Variants in XIRP2 observed in about 807,000 individuals in gnomAD.
XIRP2 encodes the protein xin actin binding repeat containing 2.
In XIRP2, 236 loss-of-function variants were observed where a neutral mutation model predicts 277.0. The observed-to-expected ratio is 0.85, with a 90% confidence interval of 0.77 to 0.95. XIRP2 has a LOEUF of 0.95. Among genes scored for constraint, XIRP2 ranks in the 40% least tolerant of loss-of-function variants. XIRP2 has a pLI of 0.00. For missense variants in XIRP2, 4,640 were observed against 4,157.5 expected, an observed-to-expected ratio of 1.12 and a Z score of -3.19; for synonymous variants, 1,490 against 1,416.5, an observed-to-expected ratio of 1.05 and a Z score of -1.17.
At chr2:166,888,947 A>G (rs1399148092) in intron 1 of XIRP2, among the ~76,000 whole-genome samples, 1 of 152,138 alleles carries the variant, frequency 6.6e-6, no homozygotes, top group South Asian at 2.1e-4. Flanking sequence ...CACCCAAAGA[A>G]AGCATCTGGG....
In XIRP2 at chr2:167,257,870, G is replaced by T. The variant is rs370845008; in HGVS notation, c.*53G>T. ...TCTTTTTGGCAGTTTGGGAAATTAT[G>T]CATCACTTCATGGACAAATATACTG... On this transcript the variant is annotated 3_prime_UTR_variant, in exon 11 of 11. Coordinates refer to ENST00000409195, the MANE Select transcript of XIRP2 (RefSeq NM_152381.6). 2 of 1,588,790 alleles carry T rather than the reference G, an allele frequency of 1.3e-6. No individual in the cohort carries two copies. The highest frequency in any genetic ancestry group is 1.7e-6 in the Non-Finnish European group (2 of 1,170,512).
chr2:167,241,777 T>A lies in XIRP2; in HGVS notation c.1043T>A (p.Val348Asp), dbSNP rs760206406. ...CCCTGGTGTGTTTTTCTGTTTGTAG[T>A]CATTGATACACCTGAGGATGAAGAG... ...SQFHQYVQET[V>D]IDTPEDEEIP... Residue 348 changes from valine to aspartate, a missense_variant and splice_region_variant, in exon 8 of 11, where the codon GTC becomes GAC. Coordinates refer to ENST00000409195, the MANE Select transcript of XIRP2 (RefSeq NM_152381.6). 1 of 1,602,054 alleles carries A rather than the reference T, an allele frequency of 6.2e-7. No individual in the cohort carries two copies. The highest frequency in any genetic ancestry group is 2.3e-5 in the East Asian group (1 of 44,428).
chr2:167,022,703 G>A (rs1039403451), intron 2 of XIRP2, among the ~76,000 whole-genome samples: 7 of 151,730 alleles, frequency 4.6e-5, no homozygotes, highest in African/African-American at 1.2e-4. Context: ...TGTGGTGTTC[G>A]GTTTTTTGTC....
At chr2:167,188,346 C>A (rs554392914) in intron 3 of XIRP2, among the ~76,000 whole-genome samples, 2 of 152,164 alleles carry the variant, frequency 1.3e-5, no homozygotes, top group African/African-American at 4.8e-5. Flanking sequence ...AAGACACCAA[C>A]TAAAAGCAAG....
chr2:167,009,505 A>C (rs983969117), intron 2 of XIRP2, among the ~76,000 whole-genome samples: 6 of 152,006 alleles, frequency 3.9e-5, no homozygotes, highest in Non-Finnish European at 5.9e-5. Flanking sequence ...TGCTATTGTG[A>C]ATAGTGCCGC....
chr2:166,945,004 T>C (rs1474412940), intron 2 of XIRP2, among the ~76,000 whole-genome samples: 6 of 152,154 alleles, frequency 3.9e-5, no homozygotes, highest in Non-Finnish European at 5.9e-5. Context: ...TGGTTTATCT[T>C]GTCAACTCTG....
At chr2:167,005,551 A>T (rs1002847781) in intron 2 of XIRP2, among the ~76,000 whole-genome samples, 3 of 151,898 alleles carry the variant, frequency 2.0e-5, no homozygotes, top group Admixed American at 1.3e-4. Context: ...TAAAACAATT[A>T]TAAAGATTTG....
intron 2 of XIRP2, among the ~76,000 whole-genome samples, chr2:166,910,279 T>G (rs1364468156): frequency 6.6e-6 from 1 of 152,190 alleles, no homozygotes. Flanking sequence ...AATTATTGCC[T>G]TAATTTCACA....
rs74915465 is a variant in XIRP2, at chr2:166,921,122, A to T, written c.408+17232A>T. 2.8e-3 allele frequency among the ~76,000 whole-genome samples: 427 copies of T among 152,160 alleles called. 1 individual carries two copies. The highest frequency in any genetic ancestry group is 9.8e-3 in the African/African-American group (407 of 41,522). The stretch of plus-strand genomic sequence containing the variant: ...TTTGGGCTCAAGTTGCACCACATGC[A>T]TCTCTGCTTTCACCCCAATCCCTGA... On this transcript the variant is annotated intron_variant, in intron 2 of 10. Transcript: ENST00000409195.
At chr2:166,938,541 T>A (rs1354955056) in intron 2 of XIRP2, among the ~76,000 whole-genome samples, 1 of 152,166 alleles carries the variant, frequency 6.6e-6, no homozygotes, top group Non-Finnish European at 1.5e-5. Context: ...GGAATAAGTG[T>A]GGTATGGTGC....
At chr2:167,210,030 G>C (rs1373392046) in intron 3 of XIRP2, among the ~76,000 whole-genome samples, 1 of 152,020 alleles carries the variant, frequency 6.6e-6, no homozygotes, top group East Asian at 1.9e-4. Flanking sequence ...CAAGTAGATG[G>C]CTTCATGGGT....
chr2:167,167,391 G>T (rs1278579515), intron 3 of XIRP2, among the ~76,000 whole-genome samples: 2 of 152,022 alleles, frequency 1.3e-5, no homozygotes, highest in Non-Finnish European at 2.9e-5. Context: ...TATATCAGTT[G>T]CTCCTGTTGT....
intron 2 of XIRP2, among the ~76,000 whole-genome samples, chr2:167,005,374 C>T (rs1687479259): frequency 6.6e-6 from 1 of 151,834 alleles, no homozygotes; most frequent in Non-Finnish European, 1.5e-5. Context: ...GCTGTACCAG[C>T]TGGAGGGAAC....
At chr2:166,928,850 C>T (rs1685255488) in intron 2 of XIRP2, among the ~76,000 whole-genome samples, 1 of 152,038 alleles carries the variant, frequency 6.6e-6, no homozygotes, top group Non-Finnish European at 1.5e-5. Flanking sequence ...GTGATAGGCA[C>T]AGGAAGACTG....
At chr2:167,101,804 ATTC>A (rs1690495966) in intron 2 of XIRP2, among the ~76,000 whole-genome samples, 1 of 152,202 alleles carries the variant, frequency 6.6e-6, no homozygotes, top group Non-Finnish European at 1.5e-5. Flanking sequence ...TGTTTATGAT[ATTC>A]TTAAGGTAAT....
chr2:167,167,473 T>C (rs894003306), intron 3 of XIRP2, among the ~76,000 whole-genome samples: 3 of 152,190 alleles, frequency 2.0e-5, no homozygotes, highest in Non-Finnish European at 4.4e-5. Flanking sequence ...TTATTTTCTC[T>C]CCAGTCTTAG....
chr2:167,121,422 A>G (rs1558987338), intron 2 of XIRP2, among the ~76,000 whole-genome samples: 1 of 152,200 alleles, frequency 6.6e-6, no homozygotes, highest in Non-Finnish European at 1.5e-5. Context: ...GGATGTGAAA[A>G]CAGAGAAAGA....
At chr2:167,132,974 A>G (rs966173260) in intron 2 of XIRP2, among the ~76,000 whole-genome samples, 5 of 152,162 alleles carry the variant, frequency 3.3e-5, no homozygotes. Context: ...TTTTATTTTA[A>G]ATAAAATTAT....
At chr2:167,227,434 T>C (rs1694636302) in intron 5 of XIRP2, among the ~76,000 whole-genome samples, 1 of 152,090 alleles carries the variant, frequency 6.6e-6, no homozygotes, top group Non-Finnish European at 1.5e-5. Flanking sequence ...TAGCCTATAA[T>C]CCCAGCACTT....
Sources: gnomAD v4.1 joint callset for allele counts (sites outside exome capture counted in the v4.1 genomes callset) on GRCh38, gnomAD v4.1.1 for gene constraint, MANE v1.5 for transcripts, NCBI Gene and HGNC (gene_info 2026-07-23, HGNC 2026-07-21) for gene names.